PATJ: variants seen among roughly 807,000 people sequenced by gnomAD.
PATJ encodes inaD-like protein.
In PATJ, 190 loss-of-function variants were observed where a neutral mutation model predicts 224.9. The ratio of observed to expected loss-of-function variants is 0.84; its 90% CI spans 0.75 to 0.95. PATJ has a LOEUF of 0.95. Ranked by LOEUF, PATJ falls within the 40% of genes least tolerant of loss-of-function variation. The pLI is 0.00. For synonymous variants in PATJ, 769 were observed against 820.3 expected (o/e 0.94, Z 1.07); for missense variants, 2,121 against 2,270.3 (o/e 0.93, Z 1.34).
chr1:61,936,618 C>A (rs1210527263), intron 27 of PATJ, among the ~76,000 whole-genome samples: 1 of 152,058 alleles, frequency 6.6e-6, no homozygotes, highest in Non-Finnish European at 1.5e-5. Flanking sequence ...GTCACCCAGG[C>A]TGGAGTGCAG....
intron 27 of PATJ, among the ~76,000 whole-genome samples, chr1:61,971,573 A>C (rs974390954): frequency 6.6e-6 from 1 of 152,192 alleles, no homozygotes. Context: ...TGTTCATGCC[A>C]CTGCACTCTA....
intron 25 of PATJ, among the ~76,000 whole-genome samples, chr1:61,914,360 G>T (rs570596080): frequency 1.1e-4 from 17 of 152,280 alleles, no homozygotes; most frequent in African/African-American, 3.9e-4. Context: ...GGAGGCTGAG[G>T]CTGGAGAAGC....
intron 20 of PATJ, among the ~76,000 whole-genome samples, chr1:61,864,858 T>C (rs1665157811): frequency 6.6e-6 from 1 of 152,234 alleles, no homozygotes; most frequent in African/African-American, 2.4e-5. Flanking sequence ...TGCCTTGCTG[T>C]TGTTTTAGGG....
intron 41 of PATJ, among the ~76,000 whole-genome samples, chr1:62,144,777 A>ATATATATATATATAT (rs1553280094): frequency 1.0e-4 from 12 of 119,094 alleles, no homozygotes; most frequent in African/African-American, 3.4e-4. Flanking sequence ...AAAAAAAAAA[A>ATATATATATATATAT]ATATATATAT....
At chr1:62,126,560 TG>T (rs1205063638) in intron 39 of PATJ, among the ~76,000 whole-genome samples, 1 of 152,182 alleles carries the variant, frequency 6.6e-6, no homozygotes, top group Non-Finnish European at 1.5e-5. Flanking sequence ...GATACTAATG[TG>T]GGGAAAAAAC....
rs74076889 is a variant in PATJ, at chr1:62,007,655, C to G, written c.3868-10201C>G. ...CCAGTCAGCTTGGGCTGACCATAGACATCTATTTCTCACAGTTCTGGAGGC... is the reference window on the plus strand; with the variant it reads ...CCAGTCAGCTTGGGCTGACCATAGAGATCTATTTCTCACAGTTCTGGAGGC... On this transcript the variant is annotated intron_variant, in intron 28 of 43. Coordinates refer to ENST00000642238, the MANE Select transcript of PATJ (RefSeq NM_001350145.3). 5.4e-3 allele frequency among the ~76,000 whole-genome samples: 821 copies of G among 152,318 alleles called. 14 individuals carry two copies. The highest frequency in any genetic ancestry group is 0.019 in the African/African-American group (781 of 41,564).
rs777077025 is a variant in PATJ at position 62,086,026 on chromosome 1, C to T, written c.4377+1378C>T. ...ATGGGGTCTTGCTATGTTGCCCAAG[C>T]TGGTTTTGAACTCCTAGGCTCAAGC... is the stretch of plus-strand genomic sequence containing the variant. On this transcript the variant is annotated intron_variant, in intron 33 of 43. Transcript: ENST00000642238. The surrounding 1 kb of genome is among the most constrained non-coding windows in gnomAD (Gnocchi z 4.0). 2.5e-4 allele frequency among the ~76,000 whole-genome samples: 38 copies of T among 151,814 alleles called. No homozygotes were observed. The highest frequency in any genetic ancestry group is 4.6e-4 in the Admixed American group (7 of 15,228).
intron 17 of PATJ, among the ~76,000 whole-genome samples, chr1:61,838,470 T>C (rs1660553125): frequency 6.6e-6 from 1 of 150,966 alleles, no homozygotes; most frequent in South Asian, 2.1e-4. Flanking sequence ...TTCTCCTGCC[T>C]CAGCCTCCTG....
intron 17 of PATJ, among the ~76,000 whole-genome samples, chr1:61,838,028 A>G (rs1660463155): frequency 6.6e-6 from 1 of 152,196 alleles, no homozygotes; most frequent in Non-Finnish European, 1.5e-5. Flanking sequence ...CATTTCATTA[A>G]AGACATTTTA....
At chr1:62,024,006 G>T (rs964110724) in intron 29 of PATJ, among the ~76,000 whole-genome samples, 6 of 152,178 alleles carry the variant, frequency 3.9e-5, no homozygotes, top group African/African-American at 1.2e-4. Context: ...CACATTTACT[G>T]ATTTGTGTGT....
intron 33 of PATJ, among the ~76,000 whole-genome samples, chr1:62,107,499 G>GA (rs1186620839): frequency 6.6e-6 from 1 of 152,140 alleles, no homozygotes; most frequent in Non-Finnish European, 1.5e-5. Flanking sequence ...ACAGGAGGGG[G>GA]ATGAGGGTGG....
At chr1:61,954,758 T>C (rs1680199129) in intron 27 of PATJ, among the ~76,000 whole-genome samples, 1 of 150,504 alleles carries the variant, frequency 6.6e-6, no homozygotes, top group African/African-American at 2.4e-5. Context: ...CTCTATTGTT[T>C]TTTTTTTTTT....
Position 61,833,691 on chromosome 1 carries a change from A to T in PATJ, c.2018A>T (p.Asp673Val), listed in dbSNP as rs371914740. The T allele has an allele frequency of 1.1e-5, 18 of 1,613,506 alleles. No homozygotes were observed. The African/African-American group carries it at 1.5e-4, about 13-fold the overall frequency. ...ATGGATGTCAATACTGAAGAAGATG[A>T]TGATGGGGAATTAGCACTGTGGTCC... ...HNMDVNTEED[D>V]DGELALWSPE... The change falls in exon 17 of 44, where the codon GAT becomes GTT. Residue 673 changes from aspartate (D) to valine (V), a missense_variant. Coordinates refer to ENST00000642238, the MANE Select transcript of PATJ (RefSeq NM_001350145.3).
intron 16 of PATJ, among the ~76,000 whole-genome samples, chr1:61,831,056 G>A (rs1454206734): frequency 1.3e-5 from 2 of 151,646 alleles, no homozygotes; most frequent in African/African-American, 2.4e-5. Flanking sequence ...GTGTGGTGGC[G>A]GGTACCTGTA....
intron 31 of PATJ, among the ~76,000 whole-genome samples, chr1:62,066,699 G>A (rs569528350): frequency 8.5e-5 from 13 of 152,328 alleles, no homozygotes; most frequent in South Asian, 6.2e-4. Context: ...CAGCATTGCA[G>A]TAAAGAAAGA....
At position 62,114,216 on chromosome 1, in the gene PATJ, G is replaced by A. The variant is rs372939045; in HGVS notation, c.4625G>A (p.Arg1542Gln). The change falls in exon 35 of 44, where the codon CGG becomes CAG. Residue 1542 changes from arginine to glutamine, a missense_variant. Transcript: ENST00000642238. ...FPVDLQKKAG[R>Q]GLGLSIVGKR... is the part of the protein sequence containing the mutation. ...GTGGATCTGCAGAAGAAAGCTGGCC[G>A]GGGCCTGGGCCTGAGCATCGTTGGG... 9 of 1,613,914 alleles carry A rather than the reference G, an allele frequency of 5.6e-6. No individual in the cohort carries two copies. The highest frequency in any genetic ancestry group is 4.5e-5 in the East Asian group (2 of 44,882).
chr1:62,136,638 TTA>T lies in PATJ; in HGVS notation c.5271+7695_5271+7696del, dbSNP rs573063809. On this transcript the variant is annotated intron_variant, in intron 41 of 43. Transcript: ENST00000642238. ...AGCTGCATGTAAGTGCTGAGGATTT[TTA>T]TGTTTTGCGTGTGTGTGTGTGTGTC... Among the ~76,000 whole-genome samples the T allele has an allele frequency of 9.8e-4, 143 of 145,858 alleles. 1 individual carries two copies. The highest frequency in any genetic ancestry group is 3.3e-3 in the African/African-American group (131 of 39,182).
At chr1:61,770,363 T>C (rs1415993603) in intron 5 of PATJ, among the ~76,000 whole-genome samples, 1 of 152,192 alleles carries the variant, frequency 6.6e-6, no homozygotes, top group African/African-American at 2.4e-5. Context: ...TAGGATGCAC[T>C]TTAACATAAG....
chr1:61,952,874 A>T (rs1349940134), intron 27 of PATJ, among the ~76,000 whole-genome samples: 2 of 152,240 alleles, frequency 1.3e-5, no homozygotes, highest in African/African-American at 4.8e-5. Flanking sequence ...AAAACTGACC[A>T]TTCAGCATTT....
Sources: allele counts gnomAD v4.1 joint callset (sites outside exome capture counted in the v4.1 genomes callset), GRCh38; gene constraint gnomAD v4.1.1; non-coding constraint Gnocchi (gnomAD v3.1); transcripts MANE v1.5; gene names NCBI Gene and HGNC (gene_info 2026-07-23, HGNC 2026-07-21).